ADARB2: variants seen among roughly 807,000 people sequenced by gnomAD.
ADARB2 encodes the protein adenosine deaminase RNA specific B2 (inactive).
In ADARB2, 25 loss-of-function variants were observed where a neutral mutation model predicts 62.2. That is an observed-to-expected ratio of 0.40 (90% confidence interval 0.29 to 0.56). The LOEUF (loss-of-function observed/expected upper bound fraction) is 0.56, where lower values mean the gene tolerates loss of function less well. ADARB2 is among the 20% of genes least tolerant of loss of function. The probability of loss-of-function intolerance (pLI) is 0.43; values close to 1 mark genes in which losing one functional copy is unlikely to be tolerated. For synonymous variants in ADARB2, 572 were observed against 500.8 expected, an observed-to-expected ratio of 1.14 and a Z score of -1.90; for missense variants, 1,071 against 1,077.4, an observed-to-expected ratio of 0.99 and a Z score of 0.08.
chr10:1,287,414 G>T (rs1831424182), intron 3 of ADARB2, among the ~76,000 whole-genome samples: 1 of 152,140 alleles, frequency 6.6e-6, no homozygotes. Flanking sequence ...TCTTTTGGCT[G>T]TCCTGAAATA....
intron 2 of ADARB2, among the ~76,000 whole-genome samples, chr10:1,376,866 G>C (rs1832433640): frequency 7.2e-6 from 1 of 139,154 alleles, no homozygotes; most frequent in Non-Finnish European, 1.6e-5. Flanking sequence ...TGGTGGGGCA[G>C]GGGGGTGGGT....
Position 1,700,286 on chromosome 10 carries a change from C to T in ADARB2, c.100+36765G>A, listed in dbSNP as rs1383015698. ...AATCCCACTCCACCGGGAGACCAGG[C>T]GCTAGTCAATACACGCAATCCCACT... is the stretch of plus-strand genomic sequence containing the variant. On this transcript the variant is annotated intron_variant, in intron 1 of 9. Coordinates refer to ENST00000381312, the MANE Select transcript of ADARB2 (RefSeq NM_018702.4). 1.3e-4 allele frequency among the ~76,000 whole-genome samples: 2 copies of T among 15,380 alleles called. 1 individual carries two copies. The highest frequency in any genetic ancestry group is 3.7e-4 in the African/African-American group (2 of 5,422). The allele number at this position is 15,380 out of a possible 152,430, so 10.1% of individuals were successfully genotyped here. A position where few individuals can be genotyped will look rare whatever the true frequency, so the allele number is the denominator to read the frequency against.
intron 3 of ADARB2, among the ~76,000 whole-genome samples, chr10:1,284,201 A>T (rs570922054): frequency 7.9e-5 from 12 of 152,180 alleles, no homozygotes; most frequent in Non-Finnish European, 1.6e-4. Context: ...CGTGAAGCTC[A>T]GACGTTACCC....
rs1271553008 is a variant in ADARB2 at position 1,233,749 on chromosome 10, G to T, written c.1458C>A (p.Ser486Arg). ...RENILFHLYVSTSPCGDARLH... is the reference protein window; with the variant it reads ...RENILFHLYVRTSPCGDARLH... Reference sequence around the variant, plus strand: ...GTCTTGCGTCTCCACAGGGGGAGGTGCTCACGTAGAGATGGAAGAGGATGT... The same window carrying T: ...GTCTTGCGTCTCCACAGGGGGAGGTTCTCACGTAGAGATGGAAGAGGATGT... The change falls in exon 6 of 10, where the codon AGC becomes AGA. Residue 486 changes from serine (S) to arginine (R), a missense_variant. Ser to Arg is a moderately radical substitution (Grantham distance 110). Coordinates refer to ENST00000381312, the MANE Select transcript of ADARB2 (RefSeq NM_018702.4). 4 of 1,613,866 alleles carry T rather than the reference G, an allele frequency of 2.5e-6. No homozygotes were observed. Among genetic ancestry groups the T allele is most frequent in the Non-Finnish European group, 3.4e-6 (4 of 1,179,982 alleles).
chr10:1,685,800 C>T (rs1172587271), intron 1 of ADARB2, among the ~76,000 whole-genome samples: 1 of 152,228 alleles, frequency 6.6e-6, no homozygotes, highest in Non-Finnish European at 1.5e-5. Flanking sequence ...TGATGGAGAT[C>T]ATCATGGAAA....
At chr10:1,301,402 G>A (rs1284249939) in intron 3 of ADARB2, among the ~76,000 whole-genome samples, 2 of 152,122 alleles carry the variant, frequency 1.3e-5, no homozygotes, top group Admixed American at 6.5e-5. Flanking sequence ...TTGAACAGGT[G>A]AATTTTAGAA....
At chr10:1,259,526 C>T (rs560426075) in intron 4 of ADARB2, among the ~76,000 whole-genome samples, 16 of 152,278 alleles carry the variant, frequency 1.1e-4, no homozygotes, top group South Asian at 4.1e-4. Context: ...AACACTTCTA[C>T]GCAAATAAAC....
At chr10:1,482,557 C>T (rs1435541074) in intron 1 of ADARB2, among the ~76,000 whole-genome samples, 2 of 152,144 alleles carry the variant, frequency 1.3e-5, no homozygotes, top group East Asian at 3.8e-4. Context: ...GACAGAGTTT[C>T]AGTTTGGAAG....
chr10:1,671,154 T>C (rs549888391), intron 1 of ADARB2, among the ~76,000 whole-genome samples: 4 of 152,334 alleles, frequency 2.6e-5, no homozygotes, highest in African/African-American at 9.6e-5. Flanking sequence ...TTACTTCTCC[T>C]CTTCCCAGGG....
At chr10:1,301,808 A>G (rs1831575784) in intron 3 of ADARB2, among the ~76,000 whole-genome samples, 1 of 152,194 alleles carries the variant, frequency 6.6e-6, no homozygotes, top group Admixed American at 6.5e-5. Flanking sequence ...TTTTAAGTTC[A>G]AAGCAAAACT....
intron 1 of ADARB2, among the ~76,000 whole-genome samples, chr10:1,702,115 T>C (rs1834829776): frequency 6.6e-6 from 1 of 152,236 alleles, no homozygotes; most frequent in Admixed American, 6.5e-5. Context: ...CTCCTTTCTG[T>C]ATGTGACCAG....
At position 1,251,059 on chromosome 10, in the gene ADARB2, A is replaced by T. The variant is rs545120620; in HGVS notation, c.1193-8760T>A. 2.2e-4 allele frequency among the ~76,000 whole-genome samples: 34 copies of T among 152,374 alleles called. 1 individual carries two copies. The South Asian group carries it at 6.0e-3, about 27-fold the overall frequency. On this transcript the variant is annotated intron_variant, in intron 4 of 9. Transcript: ENST00000381312. ...ATCTGAGAAATAAAATTGCATCTTT[A>T]TCTGACACCATGTACCAGAGTAAAT...
chr10:1,611,508 A>C (rs1833572299), intron 1 of ADARB2, among the ~76,000 whole-genome samples: 1 of 151,824 alleles, frequency 6.6e-6, no homozygotes, highest in South Asian at 2.1e-4. Context: ...CCATTCCCCA[A>C]ATGCTGGGGA....
At chr10:1,673,314 A>ATGTGTGTGTGTGTGTGTGTGTGTG (rs66687699) in intron 1 of ADARB2, among the ~76,000 whole-genome samples, 6 of 149,698 alleles carry the variant, frequency 4.0e-5, no homozygotes, top group Non-Finnish European at 5.9e-5. Flanking sequence ...ATTTCATTTT[A>ATGTGTGTGTGTGTGTGTGTGTGTG]TGTGTGTGTG....
intron 1 of ADARB2, among the ~76,000 whole-genome samples, chr10:1,683,518 C>G (rs1834564890): frequency 6.6e-6 from 1 of 152,182 alleles, no homozygotes; most frequent in South Asian, 2.1e-4. Flanking sequence ...TGCACAGGGT[C>G]AAGGGGTCCG....
chr10:1,445,959 T>C (rs1048219212), intron 1 of ADARB2, among the ~76,000 whole-genome samples: 1 of 152,242 alleles, frequency 6.6e-6, no homozygotes, highest in Non-Finnish European at 1.5e-5. Context: ...TTTCTTTCGA[T>C]ATTATAGTCC....
At chr10:1,297,980 T>G (rs1459704610) in intron 3 of ADARB2, among the ~76,000 whole-genome samples, 1 of 152,238 alleles carries the variant, frequency 6.6e-6, no homozygotes, top group Non-Finnish European at 1.5e-5. Context: ...AATAAACTTC[T>G]GTCATTTCAG....
Position 1,386,414 on chromosome 10 carries a change from C to A in ADARB2, c.101-7254G>T, listed in dbSNP as rs116215721. 1.9e-3 allele frequency among the ~76,000 whole-genome samples: 284 copies of A among 151,916 alleles called. 1 individual carries two copies. Among genetic ancestry groups the A allele is most frequent in the African/African-American group, 6.4e-3 (265 of 41,498 alleles). Reference sequence around the variant, plus strand: ...AAAACAAAACTTATATTTTTTATTGCTACAAAAACTTACTTCAAGTATAAA... The same window carrying A: ...AAAACAAAACTTATATTTTTTATTGATACAAAAACTTACTTCAAGTATAAA... On this transcript the variant is annotated intron_variant, in intron 1 of 9. Transcript: ENST00000381312.
chr10:1,677,438 A>G (rs1445966203), intron 1 of ADARB2, among the ~76,000 whole-genome samples: 2 of 152,116 alleles, frequency 1.3e-5, no homozygotes, highest in East Asian at 1.9e-4. Flanking sequence ...GGAGGTGAAC[A>G]TCTGCCCAGG....
Sources: gnomAD v4.1 joint callset for allele counts (sites outside exome capture counted in the v4.1 genomes callset) on GRCh38, gnomAD v4.1.1 for gene constraint, MANE v1.5 for transcripts, NCBI Gene and HGNC (gene_info 2026-07-23, HGNC 2026-07-21) for gene names.